VPS13B: variants seen among roughly 807,000 people sequenced by gnomAD.
VPS13B encodes intermembrane lipid transfer protein VPS13B.
Under a neutral mutation model 426.4 loss-of-function variants are expected in VPS13B, and 285 were observed. The ratio of observed to expected loss-of-function variants is 0.67; its 90% CI spans 0.61 to 0.74. The LOEUF (loss-of-function observed/expected upper bound fraction) is 0.74, where lower values mean the gene tolerates loss of function less well. Ranked by LOEUF, VPS13B falls within the 30% of genes least tolerant of loss-of-function variation. The probability of loss-of-function intolerance (pLI) is 0.00; values close to 1 mark genes in which losing one functional copy is unlikely to be tolerated. For missense variants in VPS13B, 4,537 were observed against 4,782.6 expected (o/e 0.95, Z 1.51); for synonymous variants, 1,676 against 1,676.4 (o/e 1.00, Z 0.01).
rs748175967 is a variant in VPS13B at position 99,156,574 on chromosome 8, C to G, written c.2039C>G (p.Thr680Arg). The change falls in exon 15 of 62, where the codon ACA (threonine) becomes AGA (arginine). Residue 680 changes from threonine (T) to arginine (R), a missense_variant. Thr to Arg is a moderately conservative substitution (Grantham distance 71). Around this residue, in one of 2 missense-constraint regions of VPS13B, gnomAD observed 4,311 missense variants for 4,474.3 expected, o/e 0.96. Transcript: ENST00000357162. ...AACTCAAGTAACTTCATGAATACTA[C>G]AAACTTCCAGTCTCTTCGGCCTTTG... ...EKNSSNFMNT[T>R]NFQSLRPLPS... 2.5e-6 allele frequency: 4 copies of G among 1,614,032 alleles called. No homozygotes were observed. In the East Asian group the frequency reaches 8.9e-5, roughly 36 times the overall value.
intron 30 of VPS13B, among the ~76,000 whole-genome samples, chr8:99,530,799 A>G (rs1173182738): frequency 6.6e-6 from 1 of 152,102 alleles, no homozygotes; most frequent in Non-Finnish European, 1.5e-5. Context: ...TTAGAAATAA[A>G]ATATTCAGTC....
At chr8:99,624,054 G>A (rs1286415642) in intron 33 of VPS13B, among the ~76,000 whole-genome samples, 11 of 110,910 alleles carry the variant, frequency 9.9e-5, no homozygotes, top group Non-Finnish European at 1.9e-4. Flanking sequence ...CAATTTAACT[G>A]ACCCAATAGC....
intron 19 of VPS13B, among the ~76,000 whole-genome samples, chr8:99,290,070 C>A (rs187308950): frequency 3.9e-5 from 6 of 151,942 alleles, no homozygotes; most frequent in Admixed American, 1.3e-4. Context: ...CATGTAGTTA[C>A]CTGTATTCAT....
At chr8:99,148,140 G>T (rs1459930315) in intron 14 of VPS13B, 130 bp downstream of exon 14, 2 of 992,938 alleles carry the variant, frequency 2.0e-6, no homozygotes, top group Non-Finnish European at 3.0e-6. Flanking sequence ...CAATTCAGGA[G>T]GCTGGGGCAG....
intron 21 of VPS13B, among the ~76,000 whole-genome samples, chr8:99,406,848 A>G (rs1815359971): frequency 6.6e-6 from 1 of 152,198 alleles, no homozygotes; most frequent in Non-Finnish European, 1.5e-5. Flanking sequence ...GATTTTAGGA[A>G]TTAGAAAAGT....
intron 14 of VPS13B, among the ~76,000 whole-genome samples, chr8:99,148,508 A>G (rs1021055115): frequency 1.3e-5 from 2 of 152,220 alleles, no homozygotes; most frequent in East Asian, 3.9e-4. Flanking sequence ...AATAAACTTA[A>G]TCTTGAGAGT....
In VPS13B at chr8:99,782,940, C is replaced by T. The variant is rs200469361; in HGVS notation, c.7780-1375C>T. On this transcript the variant is annotated intron_variant, in intron 42 of 61. Transcript: ENST00000357162. ...ATTAGTGTGACTATGAAGCAAGGTT[C>T]GGTTCAATGGGAATAGATGGATGAT... 2.5e-4 allele frequency among the ~76,000 whole-genome samples: 38 copies of T among 152,146 alleles called. 2 individuals are homozygous for T. In the East Asian group the frequency reaches 3.9e-3, roughly 16 times the overall value.
At chr8:99,748,381 A>G (rs1449348987) in intron 39 of VPS13B, among the ~76,000 whole-genome samples, 2 of 152,052 alleles carry the variant, frequency 1.3e-5, no homozygotes, top group Admixed American at 6.6e-5. Context: ...TTAGAAAATT[A>G]TAGATTCTTT....
At chr8:99,497,435 C>G (rs543241118) in intron 25 of VPS13B, among the ~76,000 whole-genome samples, 9 of 146,010 alleles carry the variant, frequency 6.2e-5, no homozygotes, top group Non-Finnish European at 1.1e-4. Flanking sequence ...TTTACTCTAC[C>G]TAAAGTAAGA....
intron 43 of VPS13B, among the ~76,000 whole-genome samples, chr8:99,805,888 A>G (rs1813371583): frequency 6.6e-6 from 1 of 152,204 alleles, no homozygotes; most frequent in Admixed American, 6.5e-5. Context: ...GATAGATTGA[A>G]TGATGGTAGG....
intron 17 of VPS13B, among the ~76,000 whole-genome samples, chr8:99,221,494 AAG>A (rs948322884): frequency 1.3e-5 from 2 of 152,242 alleles, no homozygotes; most frequent in African/African-American, 4.8e-5. Context: ...ATTTTTTTAA[AAG>A]AGAGAGGCTT....
In VPS13B at chr8:99,700,991, A is replaced by T. The variant is rs761714268; in HGVS notation, c.6454+1059A>T. Among the ~76,000 whole-genome samples, 541 of 152,302 alleles carry T rather than the reference A, an allele frequency of 3.6e-3. 3 individuals carry two copies. The highest frequency in any genetic ancestry group is 5.4e-3 in the Non-Finnish European group (366 of 68,016). On this transcript the variant is annotated intron_variant, in intron 36 of 61. Transcript: ENST00000357162. Reference sequence around the variant, plus strand: ...TTAGTTGCTTATCAAAAAGTAATTAAATTGCAGCTGTAGACTTACTGTAAC... The same window carrying T: ...TTAGTTGCTTATCAAAAAGTAATTATATTGCAGCTGTAGACTTACTGTAAC...
intron 23 of VPS13B, among the ~76,000 whole-genome samples, chr8:99,445,611 A>G (rs1817876559): frequency 1.3e-5 from 2 of 151,496 alleles, no homozygotes; most frequent in South Asian, 2.1e-4. Flanking sequence ...TTATTTTCTC[A>G]CTATTCTTTT....
In VPS13B at chr8:99,776,890, T is replaced by C. The variant is rs1186385639; in HGVS notation, c.7363T>C (p.Cys2455Arg). ...TACCCCATGGTTTGTCCCATCCCTTTGCGTTTCTTTCCAGTTTGCTCACCT... is the reference window on the plus strand; with the variant it reads ...TACCCCATGGTTTGTCCCATCCCTTCGCGTTTCTTTCCAGTTTGCTCACCT... ...CFTPWFVPSL[C>R]VSFQFAHLEF... is the part of the protein sequence containing the mutation. Residue 2455 changes from cysteine (C) to arginine (R), a missense_variant, in exon 41 of 62, where the codon TGC becomes CGC. Cys to Arg is a radical substitution (Grantham distance 180, BLOSUM62 -3). Transcript: ENST00000357162. The C allele has an allele frequency of 6.2e-7, 1 of 1,614,088 alleles. No individual in the cohort carries two copies. The highest frequency in any genetic ancestry group is 8.5e-7 in the Non-Finnish European group (1 of 1,179,968).
intron 8 of VPS13B, among the ~76,000 whole-genome samples, chr8:99,125,868 GTT>G (rs1342139259): frequency 6.6e-6 from 1 of 152,086 alleles, no homozygotes; most frequent in Non-Finnish European, 1.5e-5. Flanking sequence ...TTTCAAGACA[GTT>G]TTGTTATAAA....
At chr8:99,793,551 T>C (rs1812667917) in intron 43 of VPS13B, among the ~76,000 whole-genome samples, 1 of 152,022 alleles carries the variant, frequency 6.6e-6, no homozygotes, top group African/African-American at 2.4e-5. Context: ...ATTTGGGAGG[T>C]TAAAATCACC....
Position 99,170,093 on chromosome 8 carries a change from T to C in VPS13B, c.2263T>C (p.Leu755=). 1 of 1,613,022 alleles carries C rather than the reference T, an allele frequency of 6.2e-7. No individual in the cohort carries two copies. Among genetic ancestry groups the C allele is most frequent in the Non-Finnish European group, 8.5e-7 (1 of 1,179,062 alleles). Residue 755 remains leucine (L), a synonymous_variant, in exon 16 of 62, where the codon TTA becomes CTA. Transcript: ENST00000357162. ...TSLDCSGSYC[L]PVPVIPSFST... ...TTTGGATTGCAGTGGATCTTACTGC[T>C]TACCTGTACCAGTTATTCCCTCTTT...
intron 35 of VPS13B, among the ~76,000 whole-genome samples, chr8:99,698,810 G>A (rs1832143936): frequency 1.3e-5 from 2 of 152,146 alleles, no homozygotes; most frequent in Admixed American, 1.3e-4. Flanking sequence ...AAATAAGAAG[G>A]TTAAAAACAA....
intron 35 of VPS13B, among the ~76,000 whole-genome samples, chr8:99,668,860 C>A (rs903370639): frequency 6.6e-6 from 1 of 152,130 alleles, no homozygotes; most frequent in African/African-American, 2.4e-5. Context: ...TTTTAATACA[C>A]AATCTAAACC....
Sources: allele counts gnomAD v4.1 joint callset (sites outside exome capture counted in the v4.1 genomes callset), GRCh38; gene constraint gnomAD v4.1.1; regional missense constraint gnomAD v4.1.1; transcripts MANE v1.5; gene names NCBI Gene and HGNC (gene_info 2026-07-23, HGNC 2026-07-21).